Variants in WDPCP observed in about 807,000 individuals in gnomAD.
WDPCP encodes WD repeat-containing and planar cell polarity effector protein fritz homolog.
In WDPCP, 71 loss-of-function variants were observed where a neutral mutation model predicts 93.1. The observed-to-expected ratio is 0.76, with a 90% CI of 0.63 to 0.93. The LOEUF (loss-of-function observed/expected upper bound fraction) is 0.93. WDPCP is among the 40% of genes least tolerant of loss of function. The pLI, the probability that WDPCP is intolerant of heterozygous loss-of-function variation, is 0.00. For synonymous variants in WDPCP, 315 were observed against 315.0 expected (o/e 1.00, Z 0.00); for missense variants, 844 against 887.4 (o/e 0.95, Z 0.62).
At chr2:63,187,109 A>G (rs1211723373) in intron 14 of WDPCP, among the ~76,000 whole-genome samples, 4 of 152,180 alleles carry the variant, frequency 2.6e-5, no homozygotes, top group South Asian at 2.1e-4. Flanking sequence ...TAATCATTAT[A>G]TAGTATCCTT....
chr2:63,537,077 T>C (rs1276581927), intron 1 of WDPCP, among the ~76,000 whole-genome samples: 1 of 152,186 alleles, frequency 6.6e-6, no homozygotes, highest in Non-Finnish European at 1.5e-5. Context: ...TCACCATTTC[T>C]AAAGCTGAAT....
chr2:63,834,177 A>G, the WDPCP span, among the ~76,000 whole-genome samples: 3 of 152,176 alleles, frequency 2.0e-5, no homozygotes, highest in African/African-American at 7.2e-5. Flanking sequence ...TCTGTGTTAG[A>G]AAGACTTACA....
intron 2 of WDPCP, among the ~76,000 whole-genome samples, chr2:63,765,238 T>C (rs1008688700): frequency 6.6e-6 from 1 of 152,156 alleles, no homozygotes; most frequent in Non-Finnish European, 1.5e-5. Context: ...AAGACTTTCC[T>C]GAGGAGACAT....
intron 14 of WDPCP, among the ~76,000 whole-genome samples, chr2:63,198,014 G>A (rs1675589548): frequency 1.3e-5 from 2 of 152,158 alleles, no homozygotes; most frequent in East Asian, 1.9e-4. Flanking sequence ...TTTTAGGAAG[G>A]GTTCTCCCAT....
chr2:63,833,296 C>G, the WDPCP span, among the ~76,000 whole-genome samples: 2 of 152,124 alleles, frequency 1.3e-5, no homozygotes, highest in African/African-American at 4.8e-5. Context: ...AACTCTCTGT[C>G]TGGTGAGACA....
At chr2:63,686,364 C>A (rs925719863) in intron 2 of WDPCP, among the ~76,000 whole-genome samples, 4 of 151,928 alleles carry the variant, frequency 2.6e-5, no homozygotes, top group Non-Finnish European at 5.9e-5. Context: ...AATAAAATAC[C>A]TACAAATTTA....
chr2:63,384,784 T>C (rs1478660026), intron 10 of WDPCP, among the ~76,000 whole-genome samples: 1 of 151,062 alleles, frequency 6.6e-6, no homozygotes, highest in African/African-American at 2.4e-5. Context: ...ATAAATTCAA[T>C]ACAACTCAAA....
intron 3 of WDPCP, among the ~76,000 whole-genome samples, chr2:63,640,649 C>T (rs1709971031): frequency 6.6e-6 from 1 of 152,000 alleles, no homozygotes; most frequent in Non-Finnish European, 1.5e-5. Context: ...TACTACTTGA[C>T]AATAAAAAGA....
intron 10 of WDPCP, among the ~76,000 whole-genome samples, chr2:63,393,702 A>AGCAT (rs1415126739): frequency 6.6e-6 from 1 of 152,188 alleles, no homozygotes; most frequent in Non-Finnish European, 1.5e-5. Context: ...TGACCAAAAC[A>AGCAT]GCATGGTACT....
At chr2:63,286,914 G>A (rs1161439231) in intron 13 of WDPCP, among the ~76,000 whole-genome samples, 3 of 152,066 alleles carry the variant, frequency 2.0e-5, no homozygotes, top group Non-Finnish European at 4.4e-5. Context: ...AGTCGGCTAA[G>A]GCTGTCATAA....
chr2:63,301,178 C>G (rs1575094338), intron 13 of WDPCP, among the ~76,000 whole-genome samples: 1 of 152,308 alleles, frequency 6.6e-6, no homozygotes, highest in South Asian at 2.1e-4. Flanking sequence ...TTTTGAGCCT[C>G]TCTACTGGAA....
rs11344156 is a variant in WDPCP, at chr2:63,120,524, A to ATT, written c.*1480_*1481dup. On this transcript the variant is annotated 3_prime_UTR_variant, in exon 18 of 18. Coordinates refer to ENST00000272321, the MANE Select transcript of WDPCP (RefSeq NM_015910.7). Reference sequence around the variant, plus strand: ...TTGATTATTATTATAGATGTCTATAATTTTTTTTTTTTTTTTTTTTGCAAC... The same window carrying ATT: ...TTGATTATTATTATAGATGTCTATAATTTTTTTTTTTTTTTTTTTTTTGCAAC... 1.2e-4 allele frequency among the ~76,000 whole-genome samples: 13 copies of ATT among 108,852 alleles called. No individual in the cohort carries two copies. Among genetic ancestry groups the ATT allele is most frequent in the Admixed American group, 2.0e-4 (2 of 10,094 alleles). 71.4% of individuals were successfully genotyped at this position (108,852 alleles called of 152,430 possible).
At chr2:63,278,886 T>C (rs984973348) in intron 13 of WDPCP, among the ~76,000 whole-genome samples, 1 of 152,100 alleles carries the variant, frequency 6.6e-6, no homozygotes, top group Non-Finnish European at 1.5e-5. Flanking sequence ...CTAGAAAACC[T>C]AGAGGAGATG....
intron 1 of WDPCP, among the ~76,000 whole-genome samples, chr2:63,529,206 T>C (rs1459178373): frequency 3.3e-5 from 5 of 152,270 alleles, no homozygotes; most frequent in African/African-American, 1.2e-4. Flanking sequence ...TACCCTTTAT[T>C]TCCTTCTCCT....
intron 13 of WDPCP, among the ~76,000 whole-genome samples, chr2:63,270,233 A>G (rs896803577): frequency 6.6e-5 from 10 of 152,196 alleles, no homozygotes; most frequent in Non-Finnish European, 1.5e-4. Context: ...GAAAGAATTG[A>G]TATTTTATTT....
chr2:63,688,423 T>C lies in WDPCP; in HGVS notation n.309-37585A>G, dbSNP rs528540048. On this transcript the variant is annotated intron_variant and non_coding_transcript_variant, in intron 2 of 4. Coordinates refer to the WDPCP transcript ENST00000467687. ...GCCTGAGTGACAGAGCGAGACTCCA[T>C]CTAAAAAAAAAAAAAAGTTAAAACG... Among the ~76,000 whole-genome samples the C allele has an allele frequency of 6.8e-5, 10 of 146,788 alleles. No homozygotes were observed. The South Asian group carries it at 1.9e-3, about 28-fold the overall frequency.
chr2:63,394,795 C>T (rs1693577562), intron 10 of WDPCP, among the ~76,000 whole-genome samples: 2 of 151,978 alleles, frequency 1.3e-5, no homozygotes, highest in Non-Finnish European at 2.9e-5. Context: ...GAATAGAAAA[C>T]CAAACACCAC....
At chr2:63,257,540 T>C (rs575108681) in intron 14 of WDPCP, among the ~76,000 whole-genome samples, 1 of 152,290 alleles carries the variant, frequency 6.6e-6, no homozygotes, top group South Asian at 2.1e-4. Flanking sequence ...TTTAATAGTA[T>C]CTTTGTCAAA....
chr2:63,650,405 A>C (rs1710095594), intron 3 of WDPCP, among the ~76,000 whole-genome samples: 1 of 152,140 alleles, frequency 6.6e-6, no homozygotes, highest in Non-Finnish European at 1.5e-5. Context: ...CCCACTGAAA[A>C]ACATTTTGAA....
Sources: gnomAD v4.1 joint callset for allele counts (sites outside exome capture counted in the v4.1 genomes callset) on GRCh38, gnomAD v4.1.1 for gene constraint, MANE v1.5 for transcripts, NCBI Gene and HGNC (gene_info 2026-07-23, HGNC 2026-07-21) for gene names.